ALK: variants seen among roughly 807,000 people sequenced by gnomAD.
ALK encodes the protein ALK receptor tyrosine kinase.
Under a neutral mutation model 163.1 loss-of-function variants are expected in ALK, and 74 were observed. The ratio of observed to expected loss-of-function variants is 0.45; its 90% CI spans 0.38 to 0.55. The LOEUF (loss-of-function observed/expected upper bound fraction) is 0.55. Among genes scored for constraint, ALK ranks in the 20% least tolerant of loss-of-function variants. The probability of loss-of-function intolerance (pLI) is 0.00; values close to 1 mark genes in which losing one functional copy is unlikely to be tolerated. For missense variants in ALK, 2,063 were observed against 2,105.3 expected, an observed-to-expected ratio of 0.98 and a Z score of 0.39; for synonymous variants, 960 against 843.2, an observed-to-expected ratio of 1.14 and a Z score of -2.40.
chr2:29,276,125 T>C (rs1338456651), intron 9 of ALK, among the ~76,000 whole-genome samples: 1 of 152,110 alleles, frequency 6.6e-6, no homozygotes, highest in Non-Finnish European at 1.5e-5. Context: ...ACCCATAGGG[T>C]TTATCCATTG....
At chr2:29,773,474 G>T (rs2148345903) in intron 1 of ALK, among the ~76,000 whole-genome samples, 1 of 152,268 alleles carries the variant, frequency 6.6e-6, no homozygotes, top group East Asian at 1.9e-4. Flanking sequence ...AGGTCTTTAA[G>T]TCTCAGGTCT....
chr2:29,646,032 G>A (rs1000145276), intron 3 of ALK, among the ~76,000 whole-genome samples: 4 of 152,026 alleles, frequency 2.6e-5, no homozygotes, highest in East Asian at 1.9e-4. Context: ...ATCTTCAGCC[G>A]AGACCACTGC....
intron 8 of ALK, among the ~76,000 whole-genome samples, chr2:29,315,055 A>T (rs1666794662): frequency 6.6e-6 from 1 of 152,188 alleles, no homozygotes; most frequent in Non-Finnish European, 1.5e-5. Context: ...TAACATCAGA[A>T]TATATTGTAA....
At chr2:29,708,883 T>C (rs930506687) in intron 2 of ALK, among the ~76,000 whole-genome samples, 2 of 152,204 alleles carry the variant, frequency 1.3e-5, no homozygotes, top group Non-Finnish European at 2.9e-5. Context: ...GAACTTCTCA[T>C]AGACCAAATT....
At chr2:29,268,270 T>C (rs1250146742) in intron 11 of ALK, among the ~76,000 whole-genome samples, 1 of 152,190 alleles carries the variant, frequency 6.6e-6, no homozygotes. Context: ...GAAATAATAG[T>C]GTTGATGCCT....
intron 4 of ALK, among the ~76,000 whole-genome samples, chr2:29,432,863 G>A (rs1482356464): frequency 6.6e-5 from 10 of 151,880 alleles, no homozygotes; most frequent in Non-Finnish European, 5.9e-5. Context: ...GTGGGGGTGA[G>A]TAAGCACTAG....
chr2:29,328,062 G>A (rs183590209), intron 6 of ALK, among the ~76,000 whole-genome samples: 39 of 152,328 alleles, frequency 2.6e-4, no homozygotes, highest in African/African-American at 9.4e-4. Flanking sequence ...TGTCACATTA[G>A]AGCTGGGCTT....
intron 1 of ALK, among the ~76,000 whole-genome samples, chr2:29,750,697 A>AGGCAGGCAGGC (rs1553356472): frequency 4.7e-5 from 4 of 84,540 alleles, no homozygotes; most frequent in Admixed American, 1.3e-4. Flanking sequence ...GGAAGGAAGG[A>AGGCAGGCAGGC]AGGCAGGCAG....
intron 4 of ALK, among the ~76,000 whole-genome samples, chr2:29,463,004 A>G (rs1378357539): frequency 6.6e-6 from 1 of 152,330 alleles, no homozygotes; most frequent in East Asian, 1.9e-4. Flanking sequence ...ATGGGAATAA[A>G]TATATAGAAC....
intron 11 of ALK, among the ~76,000 whole-genome samples, chr2:29,263,282 A>G (rs1665134374): frequency 6.6e-6 from 1 of 152,224 alleles, no homozygotes; most frequent in South Asian, 2.1e-4. Context: ...AAGGTTCACT[A>G]GCATCTAAGA....
rs1558549790 is a variant in ALK at position 29,920,296 on chromosome 2, T to A, written c.364A>T (p.Thr122Ser). 1 of 1,567,188 alleles carries A rather than the reference T, an allele frequency of 6.4e-7. No homozygotes were observed. The highest frequency in any genetic ancestry group is 8.6e-7 in the Non-Finnish European group (1 of 1,157,304). Residue 122 changes from threonine (T) to serine (S), a missense_variant, in exon 1 of 29, where the codon ACG becomes TCG. Transcript: ENST00000389048. ...CCGCCCTTCAGCACCCTGGACAGCG[T>A]CCGGGCCTCTGCCGGGGCTGGTGAA... is the stretch of plus-strand genomic sequence containing the variant. ...AGSPAPAEAR[T>S]LSRVLKGGSV...
At chr2:29,364,308 G>A (rs987908746) in intron 5 of ALK, among the ~76,000 whole-genome samples, 2 of 152,112 alleles carry the variant, frequency 1.3e-5, no homozygotes, top group African/African-American at 4.8e-5. Flanking sequence ...CTCCTGGAAG[G>A]GGAAATGGAG....
intron 16 of ALK, among the ~76,000 whole-genome samples, chr2:29,228,315 C>T (rs73920740): frequency 6.6e-6 from 1 of 152,240 alleles, no homozygotes; most frequent in Non-Finnish European, 1.5e-5. Context: ...CATCGTCTCC[C>T]AGCCTCTCAG....
chr2:29,383,711 G>A (rs1668960579), intron 5 of ALK, 21 bp downstream of exon 5: 1 of 1,613,958 alleles, frequency 6.2e-7, no homozygotes, highest in Non-Finnish European at 8.5e-7. Context: ...CAAGGAGCGT[G>A]GGAAAGCCAG....
At position 29,694,093 on chromosome 2, in the gene ALK, C is replaced by T. The variant is rs560407897; in HGVS notation, c.952+757G>A. On this transcript the variant is annotated intron_variant, in intron 3 of 28. Transcript: ENST00000389048. ...TTTCTAGGTCCAAGACATTGGGAGT[C>T]CCAAGATTTGGCTTGGTGAGACATA... 2.6e-5 allele frequency among the ~76,000 whole-genome samples: 4 copies of T among 152,298 alleles called. No individual in the cohort carries two copies. The South Asian group carries it at 8.3e-4, about 32-fold the overall frequency.
intron 3 of ALK, among the ~76,000 whole-genome samples, chr2:29,682,540 G>A (rs937344516): frequency 6.6e-6 from 1 of 152,024 alleles, no homozygotes; most frequent in African/African-American, 2.4e-5. Context: ...AATTCCTTTT[G>A]GGTATCAATG....
rs151142843 is a variant in ALK at position 29,229,666 on chromosome 2, G to A, written c.2633-600C>T. ...GGCTTGGGGATAATAAGACCCACCT[G>A]ATGGGGTTGATGTTCCGCTCAAAGG... On this transcript the variant is annotated intron_variant, in intron 15 of 28. Transcript: ENST00000389048. Among the ~76,000 whole-genome samples the A allele has an allele frequency of 9.8e-5, 15 of 152,298 alleles. 1 individual carries two copies. The highest frequency in any genetic ancestry group is 3.6e-4 in the African/African-American group (15 of 41,578).
chr2:29,876,675 A>G (rs550736574), intron 1 of ALK, among the ~76,000 whole-genome samples: 7,959 of 141,172 alleles, frequency 0.056, 276 homozygotes, highest in East Asian at 0.14. Context: ...TGATGATGGT[A>G]ACGATGGTGA....
At chr2:29,818,112 A>G (rs1664948107) in intron 1 of ALK, among the ~76,000 whole-genome samples, 1 of 152,060 alleles carries the variant, frequency 6.6e-6, no homozygotes, top group Non-Finnish European at 1.5e-5. Context: ...CAGACTTATT[A>G]TTCCTCTTAT....
Sources: allele counts gnomAD v4.1 joint callset (sites outside exome capture counted in the v4.1 genomes callset), GRCh38; gene constraint gnomAD v4.1.1; transcripts MANE v1.5; gene names NCBI Gene and HGNC (gene_info 2026-07-23, HGNC 2026-07-21).